Variants in C16orf74 observed in about 807,000 individuals in gnomAD.
C16orf74 encodes the protein uncharacterized protein C16orf74.
In C16orf74, 10 loss-of-function variants were observed where a neutral mutation model predicts 6.5. The observed-to-expected ratio is 1.54, with a 90% CI of 0.95 to 2.61. The LOEUF (loss-of-function observed/expected upper bound fraction) is 2.61. Ranked by LOEUF, C16orf74 falls within the 30% of genes most tolerant of loss-of-function variation. C16orf74 has a pLI of 0.00. For missense variants in C16orf74, 141 were observed against 105.9 expected (o/e 1.33, Z -1.45); for synonymous variants, 60 against 42.5 (o/e 1.41, Z -1.60).
At chr16:85,744,558 C>T (rs778697599) in intron 1 of C16orf74, among the ~76,000 whole-genome samples, 8 of 152,152 alleles carry the variant, frequency 5.3e-5, no homozygotes, top group Admixed American at 2.0e-4. Context: ...CAGCCAGATG[C>T]GGTGGCTCAT....
At chr16:85,745,566 T>C (rs2054364409) in intron 1 of C16orf74, among the ~76,000 whole-genome samples, 1 of 151,850 alleles carries the variant, frequency 6.6e-6, no homozygotes, top group Non-Finnish European at 1.5e-5. Context: ...GGAGGGACCC[T>C]GCTTTTCAAA....
At position 85,730,064 on chromosome 16, in the gene C16orf74, T is replaced by C. The variant is rs1002748184; in HGVS notation, c.28+5126A>G. On this transcript the variant is annotated intron_variant, in intron 2 of 3. Coordinates refer to ENST00000284245, the MANE Select transcript of C16orf74 (RefSeq NM_206967.3). ...GCCAGCCCAATAGGGAAGGGGCCTG[T>C]GTCTTCCTGGGCAGTTACACAGCCT... Among the ~76,000 whole-genome samples, 3 of 152,136 alleles carry C rather than the reference T, an allele frequency of 2.0e-5. No individual in the cohort carries two copies. In the South Asian group the frequency reaches 6.2e-4, roughly 32 times the overall value.
intron 2 of C16orf74, among the ~76,000 whole-genome samples, chr16:85,717,258 C>G (rs2054034850): frequency 6.6e-6 from 1 of 152,188 alleles, no homozygotes; most frequent in Admixed American, 6.5e-5. Context: ...CTCCTAGCTC[C>G]AGGACAGCGG....
chr16:85,750,868 TCGGGGAAGGCGGGCGTCC>T (rs1282369811), intron 1 of C16orf74, 40 bp downstream of exon 1: 1 of 151,190 alleles, frequency 6.6e-6, no homozygotes, highest in Non-Finnish European at 1.5e-5. Flanking sequence ...GCCGCGTTGC[TCGGGGAAGGCGGGCGTCC>T]CGGGGAAGGG....
At chr16:85,750,766 G>T (rs967346123) in intron 1 of C16orf74, among the ~76,000 whole-genome samples, 160 bp downstream of exon 1, 1 of 152,142 alleles carries the variant, frequency 6.6e-6, no homozygotes, top group Non-Finnish European at 1.5e-5. Context: ...AAGTTGGGGG[G>T]ACGCCCGGGC....
chr16:85,726,591 C>A (rs568002604), intron 2 of C16orf74, among the ~76,000 whole-genome samples: 15 of 152,312 alleles, frequency 9.8e-5, no homozygotes, highest in Non-Finnish European at 2.1e-4. Context: ...AAGTGGGGTG[C>A]TTGACCTTGG....
intron 2 of C16orf74, among the ~76,000 whole-genome samples, chr16:85,734,466 C>T (rs977314470): frequency 3.9e-5 from 6 of 152,092 alleles, no homozygotes; most frequent in Admixed American, 1.3e-4. Context: ...TAGGTGGCCC[C>T]GGGGCAGGCT....
At chr16:85,735,737 T>A (rs1238154738) in intron 1 of C16orf74, among the ~76,000 whole-genome samples, 2 of 105,012 alleles carry the variant, frequency 1.9e-5, no homozygotes, top group African/African-American at 7.2e-5. Flanking sequence ...GCCTGAGCTA[T>A]AGAGGACGTG....
chr16:85,750,959 C>T lies in C16orf74; in HGVS notation c.-52G>A, dbSNP rs1367084095. On this transcript the variant is annotated 5_prime_UTR_variant, in exon 1 of 4. Transcript: ENST00000284245. ...TCTTGGTGGGCTCACTGCGGAGCCG[C>T]GCCCGAGGCGCGCGAGGCCCGCCCG... 1.3e-5 allele frequency: 2 copies of T among 150,646 alleles called. No homozygotes were observed. Among genetic ancestry groups the T allele is most frequent in the East Asian group, 1.9e-4 (1 of 5,144 alleles). The allele number at this position is 150,646 out of a possible 1,614,324, so 9.3% of individuals were successfully genotyped here. A position where few individuals can be genotyped will look rare whatever the true frequency, so the allele number is the denominator to read the frequency against.
intron 1 of C16orf74, among the ~76,000 whole-genome samples, chr16:85,749,437 C>T (rs1169201776): frequency 4.6e-5 from 7 of 152,016 alleles, no homozygotes; most frequent in Non-Finnish European, 8.8e-5. Context: ...AGGTATGCAC[C>T]ACACCCAGCT....
Position 85,728,457 on chromosome 16 carries a change from A to G in C16orf74, c.28+6733T>C, listed in dbSNP as rs145230124. On this transcript the variant is annotated intron_variant, in intron 2 of 3. Coordinates refer to ENST00000284245, the MANE Select transcript of C16orf74 (RefSeq NM_206967.3). ...CTTCCCCAGGACAGTTGCTGGGACC[A>G]GTCTCATTCCCAGGAGCCTGTATCC... 7.9e-5 allele frequency among the ~76,000 whole-genome samples: 12 copies of G among 152,308 alleles called. No individual in the cohort carries two copies. In the East Asian group the frequency reaches 2.3e-3, roughly 29 times the overall value.
chr16:85,749,344 G>T (rs551131042), intron 1 of C16orf74, among the ~76,000 whole-genome samples: 1 of 152,116 alleles, frequency 6.6e-6, no homozygotes, highest in Admixed American at 6.5e-5. Flanking sequence ...GGAATGCAGT[G>T]GCGTGATCAT....
chr16:85,732,791 G>T (rs1025022976), intron 2 of C16orf74, among the ~76,000 whole-genome samples: 124 of 152,218 alleles, frequency 8.1e-4, no homozygotes, highest in African/African-American at 2.8e-3. Flanking sequence ...GTGGGCAGGG[G>T]CCGGCAGCAC....
At chr16:85,724,261 C>G (rs1318978397) in intron 2 of C16orf74, among the ~76,000 whole-genome samples, 1 of 152,216 alleles carries the variant, frequency 6.6e-6, no homozygotes, top group Non-Finnish European at 1.5e-5. Flanking sequence ...AGTCCCAGCA[C>G]CTCCCCATCC....
intron 1 of C16orf74, among the ~76,000 whole-genome samples, chr16:85,749,648 C>G (rs1249191179): frequency 6.6e-6 from 1 of 152,220 alleles, no homozygotes; most frequent in Non-Finnish European, 1.5e-5. Context: ...GGGATTAAAA[C>G]AGAAAACGCA....
intron 2 of C16orf74, among the ~76,000 whole-genome samples, chr16:85,732,045 G>A (rs1210884521): frequency 6.6e-6 from 1 of 152,240 alleles, no homozygotes; most frequent in Non-Finnish European, 1.5e-5. Context: ...ACTAGGGTGG[G>A]TGCTAAAGCA....
intron 2 of C16orf74, among the ~76,000 whole-genome samples, chr16:85,722,439 C>T (rs1353730614): frequency 3.9e-5 from 6 of 152,168 alleles, no homozygotes; most frequent in Non-Finnish European, 7.3e-5. Flanking sequence ...AGCCAGAGAG[C>T]GGAGCAGACT....
intron 2 of C16orf74, among the ~76,000 whole-genome samples, chr16:85,712,107 C>G (rs975527886): frequency 2.6e-5 from 4 of 152,340 alleles, no homozygotes; most frequent in African/African-American, 9.6e-5. Flanking sequence ...GCTCAAGCAG[C>G]CTGTGGAGCA....
At chr16:85,747,776 A>G (rs1263608725) in intron 1 of C16orf74, among the ~76,000 whole-genome samples, 1 of 152,150 alleles carries the variant, frequency 6.6e-6, no homozygotes, top group Non-Finnish European at 1.5e-5. Flanking sequence ...CAAGGTATCA[A>G]TCAGTACATA....
Sources: allele counts gnomAD v4.1 joint callset (sites outside exome capture counted in the v4.1 genomes callset), GRCh38; gene constraint gnomAD v4.1.1; transcripts MANE v1.5; gene names NCBI Gene and HGNC (gene_info 2026-07-23, HGNC 2026-07-21).